Variants in CADM1 observed in about 807,000 individuals in gnomAD.
CADM1 encodes TSLC-1.
In CADM1, 15 loss-of-function variants were observed where a neutral mutation model predicts 53.1. The ratio of observed to expected loss-of-function variants is 0.28; its 90% CI spans 0.19 to 0.44. The LOEUF (loss-of-function observed/expected upper bound fraction) is 0.44, where lower values mean the gene tolerates loss of function less well. Among genes scored for constraint, CADM1 ranks in the 20% least tolerant of loss-of-function variants. The pLI, the probability that CADM1 is intolerant of heterozygous loss-of-function variation, is 1.00. For synonymous variants in CADM1, 281 were observed against 243.0 expected, an observed-to-expected ratio of 1.16 and a Z score of -1.45; for missense variants, 434 against 611.3, an observed-to-expected ratio of 0.71 and a Z score of 3.06.
At chr11:115,185,867 C>T (rs1296875994) in intron 10 of CADM1, among the ~76,000 whole-genome samples, 1 of 152,230 alleles carries the variant, frequency 6.6e-6, no homozygotes. Flanking sequence ...AAAGATGCTT[C>T]AGTGGACCTC....
At chr11:115,338,210 G>C (rs567984443) in intron 1 of CADM1, among the ~76,000 whole-genome samples, 2 of 152,056 alleles carry the variant, frequency 1.3e-5, no homozygotes, top group African/African-American at 4.8e-5. Context: ...TAAGTACTTC[G>C]CATATGTTAA....
At chr11:115,286,690 T>C (rs1565344416) in intron 1 of CADM1, among the ~76,000 whole-genome samples, 2 of 152,210 alleles carry the variant, frequency 1.3e-5, no homozygotes, top group African/African-American at 4.8e-5. Flanking sequence ...GTTCAATTTG[T>C]TATGTTCTGC....
intron 1 of CADM1, among the ~76,000 whole-genome samples, chr11:115,375,895 G>A (rs1215779985): frequency 6.6e-6 from 1 of 152,088 alleles, no homozygotes; most frequent in Non-Finnish European, 1.5e-5. Context: ...TTGCTGGTAT[G>A]CTGTCCAGCA....
At chr11:115,225,433 A>G (rs571483756) in intron 5 of CADM1, among the ~76,000 whole-genome samples, 2 of 152,314 alleles carry the variant, frequency 1.3e-5, no homozygotes, top group East Asian at 3.9e-4. Flanking sequence ...AATCACTTCA[A>G]TGCATACTAC....
In CADM1 at chr11:115,172,108, G is replaced by A. The variant is rs938635692; in HGVS notation, c.*4366C>T. On this transcript the variant is annotated 3_prime_UTR_variant, in exon 12 of 12. Coordinates refer to ENST00000331581, the MANE Select transcript of CADM1 (RefSeq NM_001301043.2). ...GTGATGTCCACCTTGCAGAGCAAGA[G>A]ACTGAAGCCAGGTAGGCTGGGCTAC... 1.3e-5 allele frequency: 2 copies of A among 152,300 alleles called. No individual in the cohort carries two copies. Among genetic ancestry groups the A allele is most frequent in the African/African-American group, 4.8e-5 (2 of 41,462 alleles). The allele number at this position is 152,300 out of a possible 1,614,324, so 9.4% of individuals were successfully genotyped here.
intron 1 of CADM1, among the ~76,000 whole-genome samples, chr11:115,372,720 T>C (rs1205467603): frequency 6.6e-6 from 1 of 152,136 alleles, no homozygotes; most frequent in Non-Finnish European, 1.5e-5. Context: ...AATTAGAAGC[T>C]AAATGTTCAG....
chr11:115,216,806 T>C (rs1031698664), intron 6 of CADM1, among the ~76,000 whole-genome samples: 3 of 152,172 alleles, frequency 2.0e-5, no homozygotes, highest in African/African-American at 7.2e-5. Context: ...CAGAGCCCCC[T>C]TTGGCTTTCT....
intron 1 of CADM1, among the ~76,000 whole-genome samples, chr11:115,244,012 A>G (rs17118125): frequency 0.18 from 27,292 of 152,216 alleles, 2,696 homozygotes; most frequent in South Asian, 0.33. Context: ...TTTAGAAGAC[A>G]GAATCCAACT....
In CADM1 at chr11:115,217,916, G is replaced by A. The variant is rs774800278; in HGVS notation, c.797C>T (p.Thr266Ile). Residue 266 changes from threonine (T) to isoleucine (I), a missense_variant, in exon 6 of 12, where the codon ACA becomes ATA. Physicochemically the swap from Thr to Ile is moderately conservative, Grantham distance 89. Around this residue, in one of 4 missense-constraint regions of CADM1, gnomAD observed 311 missense variants for 435.1 expected, o/e 0.71. Coordinates refer to ENST00000331581, the MANE Select transcript of CADM1 (RefSeq NM_001301043.2). ...CTGGGGCTTCCCGATGGCTTCACAT[G>A]TTAACTCAAGCGCGTCCCCTTCCCG... Reference protein sequence around the residue: ...LTREGDALELTCEAIGKPQPV... With the variant: ...LTREGDALELICEAIGKPQPV... The A allele has an allele frequency of 1.2e-6, 2 of 1,613,562 alleles. No homozygotes were observed. The highest frequency in any genetic ancestry group is 1.7e-4 in the Middle Eastern group (1 of 6,054).
At chr11:115,193,577 C>T (rs1271095302) in intron 9 of CADM1, among the ~76,000 whole-genome samples, 1 of 152,126 alleles carries the variant, frequency 6.6e-6, no homozygotes, top group Non-Finnish European at 1.5e-5. Flanking sequence ...AAAAGTGATA[C>T]AATGTGGCCA....
At position 115,238,510 on chromosome 11, in the gene CADM1, G is replaced by A. The variant is rs1942091343; in HGVS notation, c.414C>T (p.Ile138=). 6.2e-7 allele frequency: 1 copy of A among 1,613,868 alleles called. No homozygotes were observed. The highest frequency in any genetic ancestry group is 8.5e-7 in the Non-Finnish European group (1 of 1,179,796). ...ACATGCGTTTCTTACCCAGGACTGTGATGGTGGTGTAACTTTCCTGTGGGG... is the reference window on the plus strand; with the variant it reads ...ACATGCGTTTCTTACCCAGGACTGTAATGGTGGTGTAACTTTCCTGTGGGG... ...TDPPQESYTT[I]TVLVPPRNLM... is the part of the protein sequence containing the mutation. Residue 138 remains isoleucine (I), a synonymous_variant, in exon 3 of 12, where the codon ATC becomes ATT. Coordinates refer to ENST00000331581, the MANE Select transcript of CADM1 (RefSeq NM_001301043.2).
chr11:115,370,849 C>A (rs2135123555), intron 1 of CADM1, among the ~76,000 whole-genome samples: 1 of 152,306 alleles, frequency 6.6e-6, no homozygotes, highest in East Asian at 1.9e-4. Flanking sequence ...GTTACTGCAA[C>A]TCAGCTATTA....
In CADM1 at chr11:115,175,655, G is replaced by T; in HGVS notation, c.*819C>A. On this transcript the variant is annotated 3_prime_UTR_variant, in exon 12 of 12. Coordinates refer to ENST00000331581, the MANE Select transcript of CADM1 (RefSeq NM_001301043.2). Reference sequence around the variant, plus strand: ...GTCCTTTCTGCCCCAAACCTTTCTGGACAGCGTAGGGTATCTATACTGAGC... The same window carrying T: ...GTCCTTTCTGCCCCAAACCTTTCTGTACAGCGTAGGGTATCTATACTGAGC... 6.1e-6 allele frequency: 6 copies of T among 985,750 alleles called. No individual in the cohort carries two copies. Among genetic ancestry groups the T allele is most frequent in the Non-Finnish European group, 7.2e-6 (6 of 830,026 alleles). 61.1% of individuals were successfully genotyped at this position (985,750 alleles called of 1,614,324 possible).
rs1269003786 is a variant in CADM1 at position 115,170,546 on chromosome 11, C to G, written c.*5928G>C. 1.6e-5 allele frequency: 2 copies of G among 121,284 alleles called. No individual in the cohort carries two copies. Among genetic ancestry groups the G allele is most frequent in the African/African-American group, 6.3e-5 (2 of 31,624 alleles). The allele number at this position is 121,284 out of a possible 1,614,324, so 7.5% of individuals were successfully genotyped here. On this transcript the variant is annotated 3_prime_UTR_variant, in exon 12 of 12. Coordinates refer to ENST00000331581, the MANE Select transcript of CADM1 (RefSeq NM_001301043.2). ...CACCTGAAAACAGAGAAGATTCTTG[C>G]TTTCAGGTCTCAGTTCAGGGATGCT...
intron 1 of CADM1, among the ~76,000 whole-genome samples, chr11:115,409,904 G>T (rs999637012): frequency 5.3e-5 from 8 of 152,116 alleles, no homozygotes; most frequent in Non-Finnish European, 8.8e-5. Flanking sequence ...CAGACAGAAG[G>T]GGGTCTGTAC....
intron 1 of CADM1, among the ~76,000 whole-genome samples, chr11:115,435,089 G>C (rs1335353926): frequency 6.6e-6 from 1 of 151,860 alleles, no homozygotes; most frequent in Non-Finnish European, 1.5e-5. Context: ...TTGAACTCCT[G>C]ACCTCAGGTG....
chr11:115,229,205 T>C lies in CADM1; in HGVS notation c.629A>G (p.His210Arg). 1 of 1,614,184 alleles carries C rather than the reference T, an allele frequency of 6.2e-7. No individual in the cohort carries two copies. The highest frequency in any genetic ancestry group is 1.1e-5 in the South Asian group (1 of 91,088). Residue 210 changes from histidine (H) to arginine (R), a missense_variant, in exon 5 of 12, where the codon CAC (histidine) becomes CGC (arginine). This residue lies in a region of CADM1 where 311 missense variants were observed against 435.1 expected (regional missense o/e 0.71). Transcript: ENST00000331581. ...CACTGGGACCCCATCGTCCTCCTTG[T>C]GCACCTTCAGCATCAGCTGACTGGT... ...TVTSQLMLKV[H>R]KEDDGVPVIC...
At chr11:115,298,457 T>C (rs1048626586) in intron 1 of CADM1, among the ~76,000 whole-genome samples, 2 of 152,020 alleles carry the variant, frequency 1.3e-5, no homozygotes, top group Non-Finnish European at 2.9e-5. Flanking sequence ...GGGGCAGAGG[T>C]GAATGCCTCA....
chr11:115,225,307 T>TA (rs1489673157), intron 5 of CADM1, among the ~76,000 whole-genome samples: 4 of 122,386 alleles, frequency 3.3e-5, no homozygotes, highest in Admixed American at 8.2e-5. Flanking sequence ...ATATTTATAA[T>TA]AAAAAAGGGG....
Sources: allele counts gnomAD v4.1 joint callset (sites outside exome capture counted in the v4.1 genomes callset), GRCh38; gene constraint gnomAD v4.1.1; regional missense constraint gnomAD v4.1.1; transcripts MANE v1.5; gene names NCBI Gene and HGNC (gene_info 2026-07-23, HGNC 2026-07-21).